PITPNM3: variants seen among roughly 807,000 people sequenced by gnomAD.
The protein encoded by PITPNM3 is PITPNM family member 3.
Under a neutral mutation model 102.0 loss-of-function variants are expected in PITPNM3, and 26 were observed. The observed-to-expected ratio is 0.25, with a 90% confidence interval of 0.19 to 0.35. The LOEUF (loss-of-function observed/expected upper bound fraction) is 0.35. PITPNM3 is among the 10% of genes least tolerant of loss of function. The pLI is 1.00. For synonymous variants in PITPNM3, 578 were observed against 558.6 expected, an observed-to-expected ratio of 1.03 and a Z score of -0.49; for missense variants, 1,083 against 1,346.1, an observed-to-expected ratio of 0.80 and a Z score of 3.06.
At chr17:6,506,169 A>G (rs1439639793) in intron 3 of PITPNM3, among the ~76,000 whole-genome samples, 1 of 151,962 alleles carries the variant, frequency 6.6e-6, no homozygotes, top group African/African-American at 2.4e-5. Flanking sequence ...TTTCTATCAT[A>G]CTCCACCAAA....
intron 1 of PITPNM3, among the ~76,000 whole-genome samples, chr17:6,544,380 A>C (rs986450440): frequency 6.6e-6 from 1 of 152,092 alleles, no homozygotes; most frequent in Non-Finnish European, 1.5e-5. Flanking sequence ...CAAAGTAAAA[A>C]AACAAGCCTG....
rs137920649 is a variant in PITPNM3, at chr17:6,543,152, C to T, written c.23-5070G>A. Among the ~76,000 whole-genome samples, 31 of 152,338 alleles carry T rather than the reference C, an allele frequency of 2.0e-4. No individual in the cohort carries two copies. The East Asian group carries it at 5.6e-3, about 28-fold the overall frequency. ...AATGCCAGCACAGCTCCGAGCTGGGCCGCTCAGTGGGAGGGGCTGCTGGAA... is the reference window on the plus strand; with the variant it reads ...AATGCCAGCACAGCTCCGAGCTGGGTCGCTCAGTGGGAGGGGCTGCTGGAA... On this transcript the variant is annotated intron_variant, in intron 1 of 19. Transcript: ENST00000262483.
intron 17 of PITPNM3, among the ~76,000 whole-genome samples, chr17:6,462,288 C>T (rs989366195): frequency 6.6e-6 from 1 of 152,176 alleles, no homozygotes; most frequent in African/African-American, 2.4e-5. Flanking sequence ...AACCCCAGCA[C>T]TCCTCTGTCT....
intron 4 of PITPNM3, among the ~76,000 whole-genome samples, chr17:6,501,526 G>A (rs1907175167): frequency 6.6e-6 from 1 of 152,128 alleles, no homozygotes; most frequent in African/African-American, 2.4e-5. Flanking sequence ...ACCAGCCCTA[G>A]AGCCTAGAGC....
chr17:6,484,704 G>A (rs1021578664), intron 4 of PITPNM3, among the ~76,000 whole-genome samples: 63 of 152,194 alleles, frequency 4.1e-4, no homozygotes, highest in Admixed American at 2.7e-3. Context: ...CAAAGCGTAC[G>A]CACCCACTCT....
Position 6,515,938 on chromosome 17 carries a change from T to G in PITPNM3, c.226+9418A>C. ...ACATACGCATGTAATCCTAGCACTT[T>G]GAGAGGCTGAGGCCGGAGGATCGCT... On this transcript the variant is annotated intron_variant, in intron 3 of 19. Transcript: ENST00000262483. Among the ~76,000 whole-genome samples, 2 of 152,132 alleles carry G rather than the reference T, an allele frequency of 1.3e-5. 1 individual carries two copies. The highest frequency in any genetic ancestry group is 2.9e-5 in the Non-Finnish European group (2 of 68,034).
At chr17:6,465,238 G>T (rs546186584) in intron 14 of PITPNM3, among the ~76,000 whole-genome samples, 2 of 152,252 alleles carry the variant, frequency 1.3e-5, no homozygotes, top group African/African-American at 2.4e-5. Flanking sequence ...TAGAGATGGG[G>T]TTTCTCCGTG....
At position 6,507,308 on chromosome 17, in the gene PITPNM3, G is replaced by C. The variant is rs967541175; in HGVS notation, c.227-3734C>G. On this transcript the variant is annotated intron_variant, in intron 3 of 19. Transcript: ENST00000262483. The stretch of plus-strand genomic sequence containing the variant: ...ACTCACAAAACACAAACTTGGCCGG[G>C]CATGGTGGCTCACGCCTGTAAACTT... Among the ~76,000 whole-genome samples, 5 of 152,224 alleles carry C rather than the reference G, an allele frequency of 3.3e-5. No homozygotes were observed. The East Asian group carries it at 7.7e-4, about 23-fold the overall frequency.
chr17:6,524,535 C>T (rs937045461), intron 3 of PITPNM3, among the ~76,000 whole-genome samples: 5 of 152,158 alleles, frequency 3.3e-5, no homozygotes, highest in Admixed American at 6.5e-5. Flanking sequence ...TCTTCAGCCA[C>T]GTTGTCCGTT....
intron 3 of PITPNM3, among the ~76,000 whole-genome samples, chr17:6,516,576 A>AC (rs1426266431): frequency 3.3e-5 from 5 of 151,892 alleles, no homozygotes; most frequent in East Asian, 1.9e-4. Flanking sequence ...AAAAAAAAAA[A>AC]AAACAAAGAA....
Position 6,509,688 on chromosome 17 carries a change from T to C in PITPNM3, c.227-6114A>G, listed in dbSNP as rs192768328. ...CTCCCTGCTCAGGCCACTCCCAGCA[T>C]GGAGCCTCCCCTGAGCTGCAGGTTG... is the stretch of plus-strand genomic sequence containing the variant. On this transcript the variant is annotated intron_variant, in intron 3 of 19. Coordinates refer to ENST00000262483, the MANE Select transcript of PITPNM3 (RefSeq NM_031220.4). Among the ~76,000 whole-genome samples, 28 of 152,282 alleles carry C rather than the reference T, an allele frequency of 1.8e-4. No homozygotes were observed. The East Asian group carries it at 5.2e-3, about 28-fold the overall frequency.
In PITPNM3 at chr17:6,462,872, GGGAGCACCATGT is replaced by G. The variant is rs143247606; in HGVS notation, c.2306+848_2306+859del. ...AGTTTCTGATGACTGTCGAGGTTTGGGGAGCACCATGTGGAGCACCATGGGGAGCACCCTGGA... is the reference window on the plus strand; with the variant it reads ...AGTTTCTGATGACTGTCGAGGTTTGGGGAGCACCATGGGGAGCACCCTGGA... On this transcript the variant is annotated intron_variant, in intron 17 of 19. Transcript: ENST00000262483. Among the ~76,000 whole-genome samples the G allele has an allele frequency of 6.6e-3, 1,000 of 152,220 alleles. 19 individuals are homozygous for G. Among genetic ancestry groups the G allele is most frequent in the African/African-American group, 0.023 (942 of 41,518 alleles).
At chr17:6,467,695 A>G (rs927284416) in intron 14 of PITPNM3, among the ~76,000 whole-genome samples, 15 of 152,216 alleles carry the variant, frequency 9.9e-5, no homozygotes, top group Non-Finnish European at 1.9e-4. Context: ...GAGACAGAGT[A>G]GGCACTGATG....
chr17:6,478,137 C>T lies in PITPNM3; in HGVS notation c.778-40G>A, dbSNP rs1239497621. Reference sequence around the variant, plus strand: ...GCTGGGACTGCAGGCCTGCCCACTGCTGACCCCTCACCCCCACACCCGGCC... The same window carrying T: ...GCTGGGACTGCAGGCCTGCCCACTGTTGACCCCTCACCCCCACACCCGGCC... On this transcript the variant is annotated intron_variant, in intron 7 of 19. Coordinates refer to ENST00000262483, the MANE Select transcript of PITPNM3 (RefSeq NM_031220.4). This position sits in a 1 kb window ranked among gnomAD's most constrained non-coding sequence, Gnocchi z 4.4. The T allele has an allele frequency of 5.0e-6, 8 of 1,610,724 alleles. No homozygotes were observed. Among genetic ancestry groups the T allele is most frequent in the Non-Finnish European group, 6.8e-6 (8 of 1,179,958 alleles).
chr17:6,549,999 A>G (rs931166120), intron 1 of PITPNM3, among the ~76,000 whole-genome samples: 3 of 152,240 alleles, frequency 2.0e-5, no homozygotes, highest in Non-Finnish European at 4.4e-5. Flanking sequence ...AGGACACAGT[A>G]AAACCCACAG....
At position 6,556,296 on chromosome 17, in the gene PITPNM3, A is replaced by T; in HGVS notation, c.22+89T>A. On this transcript the variant is annotated intron_variant, in intron 1 of 19. Transcript: ENST00000262483. This position sits in a 1 kb window ranked among gnomAD's most constrained non-coding sequence, Gnocchi z 5.2. Reference sequence around the variant, plus strand: ...CCCGGGACCTCCGCCCACCTGCGCGAGGGGTTCACCTGGGCCGGCGGCCCC... The same window carrying T: ...CCCGGGACCTCCGCCCACCTGCGCGTGGGGTTCACCTGGGCCGGCGGCCCC... The T allele has an allele frequency of 8.5e-7, 1 of 1,177,408 alleles. No homozygotes were observed. Among genetic ancestry groups the T allele is most frequent in the Non-Finnish European group, 1.1e-6 (1 of 885,872 alleles). 72.9% of individuals were successfully genotyped at this position (1,177,408 alleles called of 1,614,324 possible).
chr17:6,529,418 C>G (rs1229193078), intron 2 of PITPNM3, among the ~76,000 whole-genome samples: 1 of 152,038 alleles, frequency 6.6e-6, no homozygotes, highest in Non-Finnish European at 1.5e-5. Flanking sequence ...CATGGTGAAA[C>G]ACCATCTCTA....
intron 9 of PITPNM3, among the ~76,000 whole-genome samples, chr17:6,475,521 T>C (rs1038047073): frequency 1.3e-5 from 2 of 152,124 alleles, no homozygotes; most frequent in Non-Finnish European, 2.9e-5. Context: ...CCCTCAGGAG[T>C]GAGCGAGTCT....
intron 1 of PITPNM3, among the ~76,000 whole-genome samples, chr17:6,555,041 G>T (rs1256037863): frequency 1.3e-5 from 2 of 152,222 alleles, no homozygotes; most frequent in Admixed American, 6.5e-5. Context: ...GCCATTTTAA[G>T]GAGTCGGGGT....
Sources: allele counts gnomAD v4.1 joint callset (sites outside exome capture counted in the v4.1 genomes callset), GRCh38; gene constraint gnomAD v4.1.1; non-coding constraint Gnocchi (gnomAD v3.1); transcripts MANE v1.5; gene names NCBI Gene and HGNC (gene_info 2026-07-23, HGNC 2026-07-21).